AKT3: variants seen among roughly 807,000 people sequenced by gnomAD.
AKT3 encodes the protein AKT serine/threonine kinase 3.
In AKT3, 15 loss-of-function variants were observed where a neutral mutation model predicts 65.3. That is an observed-to-expected ratio of 0.23 (90% CI 0.15 to 0.35). AKT3 has a LOEUF of 0.35. Ranked by LOEUF, AKT3 falls within the 10% of genes least tolerant of loss-of-function variation. The pLI, the probability that AKT3 is intolerant of heterozygous loss-of-function variation, is 1.00. For missense variants in AKT3, 243 were observed against 576.5 expected (o/e 0.42, Z 5.92); for synonymous variants, 206 against 183.8 (o/e 1.12, Z -0.98).
chr1:243,568,423 T>C (rs1423405693), intron 9 of AKT3, among the ~76,000 whole-genome samples: 2 of 151,518 alleles, frequency 1.3e-5, no homozygotes, highest in African/African-American at 2.4e-5. Flanking sequence ...TAAAAGGTCA[T>C]GCTTTTGAGG....
At chr1:243,584,222 A>C (rs75623523) in intron 8 of AKT3, among the ~76,000 whole-genome samples, 1,899 of 152,278 alleles carry the variant, frequency 0.012, 16 homozygotes, top group Non-Finnish European at 0.019. Flanking sequence ...GAGGAAATGG[A>C]TAAATTCCTG....
At chr1:243,748,426 T>G (rs1252838361) in intron 2 of AKT3, among the ~76,000 whole-genome samples, 1 of 152,068 alleles carries the variant, frequency 6.6e-6, no homozygotes, top group Admixed American at 6.5e-5. Flanking sequence ...AGTGTAAAAC[T>G]ATACTCACAA....
intron 8 of AKT3, among the ~76,000 whole-genome samples, chr1:243,574,854 T>G (rs888167696): frequency 1.3e-5 from 2 of 152,102 alleles, no homozygotes; most frequent in Non-Finnish European, 2.9e-5. Context: ...GTTTCTAAAT[T>G]TTCTTAAAAG....
chr1:243,545,345 A>G (rs1672591657), intron 12 of AKT3, among the ~76,000 whole-genome samples, 165 bp downstream of exon 12: 2 of 152,230 alleles, frequency 1.3e-5, no homozygotes, highest in African/African-American at 4.8e-5. Flanking sequence ...AGTCAAAATC[A>G]TGAGTAAAAT....
chr1:243,657,343 T>C (rs1229319384), intron 4 of AKT3, among the ~76,000 whole-genome samples: 1 of 152,166 alleles, frequency 6.6e-6, no homozygotes, highest in African/African-American at 2.4e-5. Flanking sequence ...CTACTCAGTT[T>C]ATGATAGTTT....
At chr1:243,719,897 T>C (rs559139522) in intron 2 of AKT3, among the ~76,000 whole-genome samples, 1 of 152,330 alleles carries the variant, frequency 6.6e-6, no homozygotes, top group South Asian at 2.1e-4. Context: ...AGAGTAGGTG[T>C]ATTACGCGCA....
At chr1:243,758,408 G>T (rs1421976027) in intron 2 of AKT3, among the ~76,000 whole-genome samples, 1 of 152,054 alleles carries the variant, frequency 6.6e-6, no homozygotes, top group African/African-American at 2.4e-5. Flanking sequence ...TTGACATAGG[G>T]AATAGCAAGG....
intron 2 of AKT3, among the ~76,000 whole-genome samples, chr1:243,722,546 G>A (rs2125230): frequency 0.23 from 35,623 of 151,914 alleles, 4,580 homozygotes; most frequent in African/African-American, 0.32. Flanking sequence ...ACCAAAGCAC[G>A]AAGTTAAAGA....
At chr1:243,693,167 T>C (rs1684810679) in intron 3 of AKT3, among the ~76,000 whole-genome samples, 1 of 145,766 alleles carries the variant, frequency 6.9e-6, no homozygotes, top group South Asian at 2.2e-4. Context: ...AAAACCCATA[T>C]TGATTAAATA....
chr1:243,576,729 C>T (rs1428522834), intron 8 of AKT3, among the ~76,000 whole-genome samples: 1 of 152,084 alleles, frequency 6.6e-6, no homozygotes, highest in African/African-American at 2.4e-5. Context: ...TAAGAGAGAA[C>T]ACAGACAAAT....
chr1:243,630,600 AC>A (rs1375986303), intron 6 of AKT3, among the ~76,000 whole-genome samples: 1 of 151,918 alleles, frequency 6.6e-6, no homozygotes, highest in East Asian at 1.9e-4. Flanking sequence ...GGCTCCATCA[AC>A]CTCTGCCTTT....
At chr1:243,809,709 C>T (rs896659021) in intron 2 of AKT3, among the ~76,000 whole-genome samples, 1 of 152,196 alleles carries the variant, frequency 6.6e-6, no homozygotes, top group Admixed American at 6.5e-5. Context: ...GAACTCTCCA[C>T]CCCAAATCAA....
intron 8 of AKT3, among the ~76,000 whole-genome samples, chr1:243,596,750 T>G (rs1676644527): frequency 6.6e-6 from 1 of 152,176 alleles, no homozygotes; most frequent in South Asian, 2.1e-4. Flanking sequence ...GAAACAGGCC[T>G]ATCAGCTTTA....
intron 2 of AKT3, among the ~76,000 whole-genome samples, chr1:243,749,948 C>T (rs926042017): frequency 1.6e-4 from 25 of 152,150 alleles, no homozygotes; most frequent in African/African-American, 6.0e-4. Context: ...GTAATAATTG[C>T]TCTTGCTTGG....
rs200728099 is a variant in AKT3 at position 243,758,886 on chromosome 1, G to C, written c.47-63170C>G. Among the ~76,000 whole-genome samples, 34 of 152,286 alleles carry C rather than the reference G, an allele frequency of 2.2e-4. No homozygotes were observed. In the East Asian group the frequency reaches 5.4e-3, roughly 24 times the overall value. On this transcript the variant is annotated intron_variant, in intron 2 of 13. Transcript: ENST00000673466. Reference sequence around the variant, plus strand: ...ACTTGTCCACAGGCTGGGGGTTGGGGACACCTCATCTAGAGTCCTATAGAT... The same window carrying C: ...ACTTGTCCACAGGCTGGGGGTTGGGCACACCTCATCTAGAGTCCTATAGAT...
intron 12 of AKT3, among the ~76,000 whole-genome samples, chr1:243,538,548 C>T (rs1037792715): frequency 2.6e-5 from 4 of 152,004 alleles, no homozygotes; most frequent in Non-Finnish European, 5.9e-5. Context: ...AGAATATCCA[C>T]TTAAATATAA....
chr1:243,503,142 T>TACC lies in AKT3; in HGVS notation c.*2104_*2106dup. 4.3e-6 allele frequency: 1 copy of TACC among 233,694 alleles called. No individual in the cohort carries two copies. The allele number at this position is 233,694 out of a possible 1,614,324, so 14.5% of individuals were successfully genotyped here. A position where few individuals can be genotyped will look rare whatever the true frequency, so the allele number is the denominator to read the frequency against. On this transcript the variant is annotated 3_prime_UTR_variant, in exon 14 of 14. Coordinates refer to ENST00000673466, the MANE Select transcript of AKT3 (RefSeq NM_005465.7). ...GCTATGTGTGTAAGTAAGAATGAAC[T>TACC]ACCATTTACTGTAACTTCCTACTCA...
intron 2 of AKT3, among the ~76,000 whole-genome samples, chr1:243,748,171 T>C (rs1553445366): frequency 2.0e-5 from 3 of 152,198 alleles, no homozygotes; most frequent in Non-Finnish European, 4.4e-5. Flanking sequence ...GTCTGGTTTT[T>C]TGTGTTTTAA....
intron 2 of AKT3, among the ~76,000 whole-genome samples, chr1:243,722,941 G>C (rs1185855134): frequency 6.6e-6 from 1 of 152,050 alleles, no homozygotes; most frequent in Non-Finnish European, 1.5e-5. Flanking sequence ...CATTTAAAAT[G>C]TTCAATGTGA....
Sources: gnomAD v4.1 joint callset for allele counts (sites outside exome capture counted in the v4.1 genomes callset) on GRCh38, gnomAD v4.1.1 for gene constraint, MANE v1.5 for transcripts, NCBI Gene and HGNC (gene_info 2026-07-23, HGNC 2026-07-21) for gene names.